CRYGS: variants seen among roughly 807,000 people sequenced by gnomAD.
CRYGS encodes crystallin gamma S.
A neutral mutation model predicts 21.3 loss-of-function variants in CRYGS; 13 were observed. The ratio of observed to expected loss-of-function variants is 0.61; its 90% CI spans 0.40 to 0.97. The LOEUF (loss-of-function observed/expected upper bound fraction) is 0.97. Among genes scored for constraint, CRYGS ranks in the 50% least tolerant of loss-of-function variants. The probability of loss-of-function intolerance (pLI) is 0.00; values close to 1 mark genes in which losing one functional copy is unlikely to be tolerated. For missense variants in CRYGS, 205 were observed against 229.7 expected, an observed-to-expected ratio of 0.89 and a Z score of 0.69; for synonymous variants, 67 against 75.0, an observed-to-expected ratio of 0.89 and a Z score of 0.55.
intron 1 of CRYGS, chr3:186,540,693 T>A: frequency 3.2e-6 from 3 of 923,828 alleles, no homozygotes; most frequent in Non-Finnish European, 3.9e-6. Context: ...TGCCGCCACC[T>A]TGTGGCTGAT....
intron 1 of CRYGS, among the ~76,000 whole-genome samples, chr3:186,543,523 T>C (rs1320501704): frequency 1.3e-5 from 2 of 152,102 alleles, no homozygotes; most frequent in Non-Finnish European, 2.9e-5. Flanking sequence ...GAGATGGAAA[T>C]AGGAGAGACC....
intron 1 of CRYGS, 126 bp from the exon 2 acceptor site, chr3:186,539,723 C>A: frequency 9.0e-7 from 1 of 1,105,570 alleles, no homozygotes; most frequent in Non-Finnish European, 1.3e-6. Context: ...AAATATGTAG[C>A]TGTACGTCAC....
intron 1 of CRYGS, among the ~76,000 whole-genome samples, chr3:186,542,754 A>G (rs1714098644): frequency 6.6e-6 from 1 of 152,236 alleles, no homozygotes; most frequent in Non-Finnish European, 1.5e-5. Flanking sequence ...GTACACTATT[A>G]CTACTCTGCA....
chr3:186,539,331 GGA>G, intron 2 of CRYGS, 22 bp downstream of exon 2: 1 of 1,612,036 alleles, frequency 6.2e-7, no homozygotes, highest in South Asian at 1.1e-5. Flanking sequence ...GGAAACAGAG[GGA>G]GTACACAGTC....
Position 186,538,510 on chromosome 3 carries a change from G to T in CRYGS, c.*186C>A, listed in dbSNP as rs372598606. On this transcript the variant is annotated 3_prime_UTR_variant, in exon 3 of 3. Transcript: ENST00000307944. ...AAAGATCTAGATTGGTGATCTGGCA[G>T]ATGGGTAGCTTTGTGTGACTGCCCA... is the stretch of plus-strand genomic sequence containing the variant. 3.3e-5 allele frequency: 22 copies of T among 668,864 alleles called. No homozygotes were observed. In the South Asian group the frequency reaches 3.3e-4, roughly 10 times the overall value. The allele number at this position is 668,864 out of a possible 1,614,324, so 41.4% of individuals were successfully genotyped here. A position where few individuals can be genotyped will look rare whatever the true frequency, so the allele number is the denominator to read the frequency against.
At chr3:186,539,078 T>G in intron 2 of CRYGS, 110 bp from the exon 3 acceptor site, 1 of 1,315,426 alleles carries the variant, frequency 7.6e-7, no homozygotes, top group South Asian at 1.2e-5. Context: ...AGCTAGATGA[T>G]CTGAACTCCC....
Position 186,538,488 on chromosome 3 carries a change from G to T in CRYGS, c.*208C>A. 1 of 623,040 alleles carries T rather than the reference G, an allele frequency of 1.6e-6. No individual in the cohort carries two copies. The highest frequency in any genetic ancestry group is 2.8e-6 in the Non-Finnish European group (1 of 355,652). The allele number at this position is 623,040 out of a possible 1,614,324, so 38.6% of individuals were successfully genotyped here. A position where few individuals can be genotyped will look rare whatever the true frequency, so the allele number is the denominator to read the frequency against. ...GAGATCTCATTTTGTTTGGCACAAA[G>T]ATCTAGATTGGTGATCTGGCAGATG... On this transcript the variant is annotated 3_prime_UTR_variant, in exon 3 of 3. Coordinates refer to ENST00000307944, the MANE Select transcript of CRYGS (RefSeq NM_017541.4).
chr3:186,539,318 G>C, intron 2 of CRYGS, 37 bp downstream of exon 2: 1 of 1,611,712 alleles, frequency 6.2e-7, no homozygotes, highest in Admixed American at 1.7e-5. Flanking sequence ...GACAGAGGGC[G>C]TGGGAAACAG....
chr3:186,540,612 T>C (rs1426803808), intron 1 of CRYGS: 1 of 171,122 alleles, frequency 5.8e-6, no homozygotes, highest in African/African-American at 2.4e-5. Context: ...AAGATGGAAT[T>C]TCAGATCAAT....
chr3:186,538,662 G>A lies in CRYGS; in HGVS notation c.*34C>T. ...TGGACCACAAGGCCAGCCAGCATTT[G>A]GGCCCCAGGAAGAATATGGCCCCAT... On this transcript the variant is annotated 3_prime_UTR_variant, in exon 3 of 3. Transcript: ENST00000307944. 1.9e-6 allele frequency: 3 copies of A among 1,613,774 alleles called. No individual in the cohort carries two copies. The highest frequency in any genetic ancestry group is 2.5e-6 in the Non-Finnish European group (3 of 1,179,898).
At chr3:186,541,588 G>A (rs1485143127) in intron 1 of CRYGS, among the ~76,000 whole-genome samples, 3 of 152,198 alleles carry the variant, frequency 2.0e-5, no homozygotes, top group South Asian at 2.1e-4. Flanking sequence ...TCTTGCAGAC[G>A]GTATGCTCTG....
chr3:186,539,611 C>A lies in CRYGS; in HGVS notation c.22-14G>T. ...ATAGAAAGTAATCTGAAGTAGAGGG[C>A]CAACAGAGAAAGAGCTGAGGAGCTG... On this transcript the variant is annotated splice_polypyrimidine_tract_variant and intron_variant, in intron 1 of 2. Transcript: ENST00000307944. The A allele has an allele frequency of 6.2e-7, 1 of 1,613,860 alleles. No individual in the cohort carries two copies. Among genetic ancestry groups the A allele is most frequent in the South Asian group, 1.1e-5 (1 of 91,014 alleles).
At chr3:186,539,764 C>A in intron 1 of CRYGS, 167 bp from the exon 2 acceptor site, 3 of 726,044 alleles carry the variant, frequency 4.1e-6, no homozygotes, top group Non-Finnish European at 6.6e-6. Flanking sequence ...CAGACAACTT[C>A]AGTTGTCAAC....
chr3:186,541,163 G>A (rs776058426), intron 1 of CRYGS, among the ~76,000 whole-genome samples: 3 of 152,074 alleles, frequency 2.0e-5, no homozygotes, highest in Non-Finnish European at 2.9e-5. Context: ...GGGAATGAGA[G>A]GAAGAAACGA....
At chr3:186,540,681 T>C in intron 1 of CRYGS, 1 of 847,632 alleles carries the variant, frequency 1.2e-6, no homozygotes, top group South Asian at 5.4e-5. Flanking sequence ...TACCTGGCAT[T>C]ATGCCGCCAC....
chr3:186,542,697 CAA>C (rs1251262871), intron 1 of CRYGS, among the ~76,000 whole-genome samples: 1 of 151,748 alleles, frequency 6.6e-6, no homozygotes, highest in Non-Finnish European at 1.5e-5. Context: ...CCCTAGCAAG[CAA>C]AAGTTATTTA....
chr3:186,539,607 A>G lies in CRYGS; in HGVS notation c.22-10T>C, dbSNP rs759302718. On this transcript the variant is annotated splice_polypyrimidine_tract_variant and intron_variant, in intron 1 of 2. Transcript: ENST00000307944. The stretch of plus-strand genomic sequence containing the variant: ...CTTCATAGAAAGTAATCTGAAGTAG[A>G]GGGCCAACAGAGAAAGAGCTGAGGA... The G allele has an allele frequency of 6.2e-7, 1 of 1,614,074 alleles. No homozygotes were observed. Among genetic ancestry groups the G allele is most frequent in the South Asian group, 1.1e-5 (1 of 91,056 alleles).
intron 1 of CRYGS, among the ~76,000 whole-genome samples, chr3:186,543,600 TC>T (rs1714118221): frequency 6.6e-6 from 1 of 152,214 alleles, no homozygotes; most frequent in African/African-American, 2.4e-5. Flanking sequence ...ATTCAACATT[TC>T]TTTGCCATTC....
chr3:186,539,497 T>G lies in CRYGS; in HGVS notation c.122A>C (p.Lys41Thr), dbSNP rs1361011909. The G allele has an allele frequency of 6.2e-7, 1 of 1,613,738 alleles. No homozygotes were observed. The highest frequency in any genetic ancestry group is 8.5e-7 in the Non-Finnish European group (1 of 1,180,026). Reference protein sequence around the residue: ...HTYLSRCNSIKVEGGTWAVYE... With the variant: ...HTYLSRCNSITVEGGTWAVYE... ...AACAGCCCAGGTGCCTCCTTCCACT[T>G]TAATGGAGTTGCAGCGACTTAGGTA... The change falls in exon 2 of 3, where the codon AAA (lysine) becomes ACA (threonine). Residue 41 changes from lysine (K) to threonine (T), a missense_variant. By Grantham distance (78) the Lys-to-Thr change is moderately conservative (BLOSUM62 -1). Transcript: ENST00000307944.
Sources: gnomAD v4.1 joint callset for allele counts (sites outside exome capture counted in the v4.1 genomes callset) on GRCh38, gnomAD v4.1.1 for gene constraint, MANE v1.5 for transcripts, NCBI Gene and HGNC (gene_info 2026-07-23, HGNC 2026-07-21) for gene names.